GRID2: variants seen among roughly 807,000 people sequenced by gnomAD.
The protein encoded by GRID2 is glutamate ionotropic receptor delta type subunit 2.
Under a neutral mutation model 114.8 loss-of-function variants are expected in GRID2, and 33 were observed. That is an observed-to-expected ratio of 0.29 (90% CI 0.22 to 0.38). The LOEUF is 0.38. Among genes scored for constraint, GRID2 ranks in the 10% least tolerant of loss-of-function variants. The pLI is 1.00. For missense variants in GRID2, 1,184 were observed against 1,257.7 expected (o/e 0.94, Z 0.89); for synonymous variants, 505 against 449.9 (o/e 1.12, Z -1.55).
chr4:93,333,701 A>G (rs1273040037), intron 8 of GRID2, among the ~76,000 whole-genome samples: 1 of 152,180 alleles, frequency 6.6e-6, no homozygotes, highest in African/African-American at 2.4e-5. Context: ...TTTCAGACTT[A>G]ACTTAGATCT....
At chr4:93,308,295 G>A (rs1285789953) in intron 8 of GRID2, among the ~76,000 whole-genome samples, 1 of 152,080 alleles carries the variant, frequency 6.6e-6, no homozygotes, top group Admixed American at 6.6e-5. Context: ...CCTAAGCTGT[G>A]TTTTGTGGTT....
chr4:92,348,392 T>A (rs1727889156), intron 1 of GRID2, among the ~76,000 whole-genome samples: 2 of 152,166 alleles, frequency 1.3e-5, no homozygotes. Context: ...TTGACAGGGA[T>A]GTAGAATTAG....
intron 8 of GRID2, among the ~76,000 whole-genome samples, chr4:93,315,326 T>C (rs1339928382): frequency 6.6e-6 from 1 of 152,126 alleles, no homozygotes; most frequent in African/African-American, 2.4e-5. Context: ...GCTATGGGGA[T>C]CTAATGTACA....
chr4:93,090,749 C>T (rs1730713933), intron 3 of GRID2, among the ~76,000 whole-genome samples: 1 of 152,062 alleles, frequency 6.6e-6, no homozygotes, highest in Non-Finnish European at 1.5e-5. Flanking sequence ...GGGTGGTAAT[C>T]TTCATACAAA....
chr4:93,075,100 C>G (rs1729139295), intron 2 of GRID2, among the ~76,000 whole-genome samples: 1 of 152,136 alleles, frequency 6.6e-6, no homozygotes. Context: ...TGACTATATT[C>G]TAACCCATTT....
At chr4:92,378,140 T>G (rs1729442811) in intron 1 of GRID2, among the ~76,000 whole-genome samples, 1 of 151,894 alleles carries the variant, frequency 6.6e-6, no homozygotes, top group Non-Finnish European at 1.5e-5. Context: ...TGGAGAGATG[T>G]TGTATGACTT....
chr4:93,022,283 G>A (rs1056628633), intron 2 of GRID2, among the ~76,000 whole-genome samples: 2 of 151,698 alleles, frequency 1.3e-5, no homozygotes. Context: ...TATATAATGA[G>A]GGAAAGAATC....
chr4:93,331,964 A>C (rs1457863048), intron 8 of GRID2, among the ~76,000 whole-genome samples: 2 of 151,972 alleles, frequency 1.3e-5, no homozygotes, highest in Non-Finnish European at 2.9e-5. Flanking sequence ...AATAGCTTTC[A>C]TTTTATTCAG....
rs1267664167 is a variant in GRID2 at position 93,626,404 on chromosome 4, G to T, written c.2329G>T (p.Gly777Cys). ...DRGYGIALQH[G>C]SPYRDVFSQR... is the part of the protein sequence containing the mutation. ...GGGATATGGAATTGCATTACAACAT[G>T]GCAGTCCTTACCGAGATGTTTTTTC... is the stretch of plus-strand genomic sequence containing the variant. Residue 777 changes from glycine to cysteine, a missense_variant, in exon 14 of 16, where the codon GGC becomes TGC. Physicochemically the swap from Gly to Cys is radical, Grantham distance 159. Coordinates refer to ENST00000282020, the MANE Select transcript of GRID2 (RefSeq NM_001510.4). 6.2e-7 allele frequency: 1 copy of T among 1,609,810 alleles called. No homozygotes were observed. Among genetic ancestry groups the T allele is most frequent in the East Asian group, 2.2e-5 (1 of 44,692 alleles).
chr4:92,989,946 G>A (rs1560774808), intron 2 of GRID2, among the ~76,000 whole-genome samples: 1 of 151,994 alleles, frequency 6.6e-6, no homozygotes, highest in African/African-American at 2.4e-5. Flanking sequence ...TAAGAACTAG[G>A]CATCAGGAAT....
intron 13 of GRID2, among the ~76,000 whole-genome samples, chr4:93,558,688 C>T (rs1734579201): frequency 6.6e-6 from 1 of 152,156 alleles, no homozygotes; most frequent in Non-Finnish European, 1.5e-5. Context: ...CTTTCTGAAA[C>T]TATTCCAAAC....
At chr4:92,658,021 TATC>T (rs1337690004) in intron 2 of GRID2, among the ~76,000 whole-genome samples, 2 of 151,836 alleles carry the variant, frequency 1.3e-5, no homozygotes, top group Admixed American at 6.6e-5. Context: ...TTGTTTATGA[TATC>T]ATTGAGTTAT....
At chr4:93,790,074 C>A (rs1734666822) in intron 1 of GRID2, among the ~76,000 whole-genome samples, 1 of 150,770 alleles carries the variant, frequency 6.6e-6, no homozygotes, top group South Asian at 2.1e-4. Context: ...ATCCCCCTCC[C>A]CCCACTTCAC....
At chr4:93,571,225 T>C (rs977296068) in intron 13 of GRID2, among the ~76,000 whole-genome samples, 1 of 152,076 alleles carries the variant, frequency 6.6e-6, no homozygotes, top group Non-Finnish European at 1.5e-5. Flanking sequence ...CCTAAAAATG[T>C]AGGGCTCATG....
intron 4 of GRID2, among the ~76,000 whole-genome samples, chr4:93,126,061 A>T (rs1734236176): frequency 6.6e-6 from 1 of 152,222 alleles, no homozygotes; most frequent in Non-Finnish European, 1.5e-5. Flanking sequence ...TCTTCAATCC[A>T]CATCTCTTCA....
At chr4:92,911,719 A>G (rs1475610935) in intron 2 of GRID2, among the ~76,000 whole-genome samples, 1 of 151,908 alleles carries the variant, frequency 6.6e-6, no homozygotes, top group Non-Finnish European at 1.5e-5. Context: ...GCATCTCTAA[A>G]TCAAATAACC....
intron 2 of GRID2, among the ~76,000 whole-genome samples, chr4:92,622,741 A>G (rs899529019): frequency 1.3e-5 from 2 of 151,726 alleles, no homozygotes; most frequent in African/African-American, 4.8e-5. Context: ...TTTGAGTCTA[A>G]AGCATTAGCT....
chr4:93,275,152 A>G (rs1417239955), intron 8 of GRID2, among the ~76,000 whole-genome samples: 1 of 151,908 alleles, frequency 6.6e-6, no homozygotes, highest in Non-Finnish European at 1.5e-5. Context: ...TTTCACATAA[A>G]GGGAAACATA....
intron 13 of GRID2, among the ~76,000 whole-genome samples, chr4:93,555,268 T>C (rs1205080484): frequency 1.3e-5 from 2 of 151,912 alleles, no homozygotes; most frequent in African/African-American, 4.8e-5. Flanking sequence ...AACCTTTCCA[T>C]CCCCTGGAAA....
Sources: gnomAD v4.1 joint callset for allele counts (sites outside exome capture counted in the v4.1 genomes callset) on GRCh38, gnomAD v4.1.1 for gene constraint, MANE v1.5 for transcripts, NCBI Gene and HGNC (gene_info 2026-07-23, HGNC 2026-07-21) for gene names.